TRIOBP: variants seen among roughly 807,000 people sequenced by gnomAD.
The protein encoded by TRIOBP is TRIO and F-actin-binding protein.
A neutral mutation model predicts 238.8 loss-of-function variants in TRIOBP; 169 were observed. The ratio of observed to expected loss-of-function variants is 0.71; its 90% CI spans 0.62 to 0.80. The LOEUF is 0.80. TRIOBP is among the 30% of genes least tolerant of loss of function. The pLI is 0.00. For synonymous variants in TRIOBP, 1,150 were observed against 1,274.4 expected, an observed-to-expected ratio of 0.90 and a Z score of 2.08; for missense variants, 2,838 against 3,122.6, an observed-to-expected ratio of 0.91 and a Z score of 2.17.
At chr22:37,771,860 T>G in intron 22 of TRIOBP, 124 bp downstream of exon 22, 1 of 856,044 alleles carries the variant, frequency 1.2e-6, no homozygotes, top group Non-Finnish European at 1.9e-6. Context: ...TCTCCTGTGC[T>G]TCTCCCATGT....
At chr22:37,773,440 G>A (rs766667387) in intron 23 of TRIOBP, among the ~76,000 whole-genome samples, 13 of 152,118 alleles carry the variant, frequency 8.5e-5, no homozygotes, top group Non-Finnish European at 1.3e-4. Flanking sequence ...GGCTGGTCTC[G>A]AACTCCTGGG....
Position 37,734,439 on chromosome 22 carries a change from G to A in TRIOBP, c.4103G>A (p.Arg1368Gln), listed in dbSNP as rs182816010. The A allele has an allele frequency of 9.4e-5, 151 of 1,613,264 alleles. No homozygotes were observed. The African/African-American group carries it at 1.2e-3, about 13-fold the overall frequency. Residue 1368 changes from arginine (R) to glutamine (Q), a missense_variant, in exon 9 of 24, where the codon CGG (arginine) becomes CAG (glutamine). By Grantham distance (43) the Arg-to-Gln change is conservative. Transcript: ENST00000644935. ...LPAKQAELTR[R>Q]SQAEPPHPWS... ...GCCAAACAGGCAGAACTGACCCGGC[G>A]GAGCCAAGCAGAGCCCCCTCATCCT...
intron 23 of TRIOBP, 86 bp downstream of exon 23, chr22:37,772,850 C>T (rs1196398587): frequency 6.6e-7 from 1 of 1,512,404 alleles, no homozygotes; most frequent in Non-Finnish European, 9.0e-7. Flanking sequence ...CCCAGCCAGG[C>T]CACTTCCTTC....
Position 37,734,995 on chromosome 22 carries a change from G to A in TRIOBP, c.4659G>A (p.Arg1553=), listed in dbSNP as rs1465250831. ...GTCCATACCCGCGTGGCTCTGAGAG[G>A]CGACCCGAGCTTGACTGGAGGGATC... ...GACPYPRGSE[R]RPELDWRDLL... The change falls in exon 9 of 24, where the codon AGG becomes AGA. Residue 1553 remains arginine (R), a synonymous_variant. Transcript: ENST00000644935. The A allele has an allele frequency of 1.2e-6, 2 of 1,613,204 alleles. No homozygotes were observed. Among genetic ancestry groups the A allele is most frequent in the Non-Finnish European group, 1.7e-6 (2 of 1,179,860 alleles).
intron 6 of TRIOBP, among the ~76,000 whole-genome samples, chr22:37,717,243 G>A (rs1923568956): frequency 6.6e-6 from 1 of 152,198 alleles, no homozygotes; most frequent in African/African-American, 2.4e-5. Flanking sequence ...GGCTTCAGGA[G>A]TGAAGCTGCA....
chr22:37,712,363 G>T (rs548238571), intron 4 of TRIOBP, among the ~76,000 whole-genome samples: 9 of 151,776 alleles, frequency 5.9e-5, no homozygotes, highest in Middle Eastern at 6.8e-3. Flanking sequence ...ATAGAGTCTC[G>T]TGCTGTCACC....
chr22:37,751,181 C>T (rs963573118), intron 11 of TRIOBP: 1 of 399,692 alleles, frequency 2.5e-6, no homozygotes, highest in South Asian at 1.9e-5. Context: ...GGCTGTGCCC[C>T]CCTGGGCGGC....
rs771454615 is a variant in TRIOBP, at chr22:37,725,692, G to T, written c.3136G>T (p.Ala1046Ser). 1.6e-5 allele frequency: 26 copies of T among 1,602,510 alleles called. No homozygotes were observed. Among genetic ancestry groups the T allele is most frequent in the Non-Finnish European group, 2.1e-5 (25 of 1,175,572 alleles). Residue 1046 changes from alanine to serine, a missense_variant, in exon 7 of 24, where the codon GCC becomes TCC. Around this residue, in one of 5 missense-constraint regions of TRIOBP, gnomAD observed 2,096 missense variants for 2,137.4 expected, o/e 0.98. Coordinates refer to ENST00000644935, the MANE Select transcript of TRIOBP (RefSeq NM_001039141.3). ...CTTCCCCTTCTTCCCAGAGCCCCGCGCCCCTGAGAGTGAACCGCCCCACCA... is the reference window on the plus strand; with the variant it reads ...CTTCCCCTTCTTCCCAGAGCCCCGCTCCCCTGAGAGTGAACCGCCCCACCA... ...DPFPFFPEPRAPESEPPHHEP... is the reference protein window; with the variant it reads ...DPFPFFPEPRSPESEPPHHEP...
chr22:37,761,115 G>A (rs112557072), intron 17 of TRIOBP, among the ~76,000 whole-genome samples: 33 of 152,264 alleles, frequency 2.2e-4, no homozygotes, highest in African/African-American at 7.9e-4. Context: ...AGGAAGGCTG[G>A]TTGGTGCGTA....
rs748961046 is a variant in TRIOBP at position 37,765,656 on chromosome 22, C to T, written c.6325-14C>T. 38 of 1,548,988 alleles carry T rather than the reference C, an allele frequency of 2.5e-5. No individual in the cohort carries two copies. The highest frequency in any genetic ancestry group is 2.1e-4 in the Middle Eastern group (1 of 4,694). On this transcript the variant is annotated splice_polypyrimidine_tract_variant and intron_variant, in intron 17 of 23. Transcript: ENST00000644935. ...AACGGGGCAGCCTGTGACACCCTGG[C>T]GTCCGGCCCACAGGAGGCATGTGAG... is the stretch of plus-strand genomic sequence containing the variant.
chr22:37,738,691 C>A lies in TRIOBP; in HGVS notation c.5156C>A (p.Pro1719His), dbSNP rs1924799223. The change falls in exon 10 of 24, where the codon CCC (proline) becomes CAC (histidine). Residue 1719 changes from proline to histidine, a missense_variant. Physicochemically the swap from Pro to His is moderately conservative, Grantham distance 77 (BLOSUM62 -2). Transcript: ENST00000644935. ...TCAGAACCAAGCAGAGGCCAAGACC[C>A]CCTGACTGACCAGAAGCAGGCAGAC... ...EESEPSRGQD[P>H]LTDQKQADSA... 6.2e-7 allele frequency: 1 copy of A among 1,613,786 alleles called. No individual in the cohort carries two copies. The highest frequency in any genetic ancestry group is 1.1e-5 in the South Asian group (1 of 91,072).
chr22:37,746,549 G>A (rs990794211), intron 11 of TRIOBP: 44 of 850,002 alleles, frequency 5.2e-5, no homozygotes, highest in Non-Finnish European at 6.0e-5. Flanking sequence ...GGCTGGGCCG[G>A]AAGACGGGGC....
At chr22:37,727,166 C>G (rs1444093110) in intron 7 of TRIOBP, among the ~76,000 whole-genome samples, 1 of 151,158 alleles carries the variant, frequency 6.6e-6, no homozygotes, top group Non-Finnish European at 1.5e-5. Context: ...GCCTCGGCCT[C>G]GCAAAGTGCT....
At chr22:37,756,840 T>C (rs1174274842) in intron 15 of TRIOBP, among the ~76,000 whole-genome samples, 1 of 152,242 alleles carries the variant, frequency 6.6e-6, no homozygotes, top group Non-Finnish European at 1.5e-5. Context: ...CTGCAACTTG[T>C]GTTCTGTGCA....
At chr22:37,709,454 C>CG (rs1923120694) in intron 3 of TRIOBP, among the ~76,000 whole-genome samples, 1 of 152,240 alleles carries the variant, frequency 6.6e-6, no homozygotes, top group African/African-American at 2.4e-5. Context: ...TCCACTGCCT[C>CG]GGCGGCTGCT....
chr22:37,733,967 A>C (rs1924543129), intron 8 of TRIOBP, among the ~76,000 whole-genome samples: 1 of 152,226 alleles, frequency 6.6e-6, no homozygotes, highest in Non-Finnish European at 1.5e-5. Flanking sequence ...GCACCTGGCC[A>C]ATACTGCTGT....
intron 2 of TRIOBP, 124 bp from the exon 3 acceptor site, chr22:37,701,182 C>T: frequency 1.7e-6 from 1 of 589,684 alleles, no homozygotes; most frequent in Admixed American, 2.5e-5. Context: ...AACAGGAACC[C>T]AAAGGAATGG....
Position 37,738,694 on chromosome 22 carries a change from T to C in TRIOBP, c.5159T>C (p.Leu1720Pro), listed in dbSNP as rs1180555349. ...ESEPSRGQDP[L>P]TDQKQADSAD... ...GAACCAAGCAGAGGCCAAGACCCCC[T>C]GACTGACCAGAAGCAGGCAGACTCG... Residue 1720 changes from leucine to proline, a missense_variant, in exon 10 of 24, where the codon CTG becomes CCG. Physicochemically the swap from Leu to Pro is moderately conservative, Grantham distance 98 (BLOSUM62 -3). Coordinates refer to ENST00000644935, the MANE Select transcript of TRIOBP (RefSeq NM_001039141.3). The C allele has an allele frequency of 1.9e-6, 3 of 1,613,914 alleles. No homozygotes were observed. Among genetic ancestry groups the C allele is most frequent in the South Asian group, 1.1e-5 (1 of 91,070 alleles).
Position 37,758,147 on chromosome 22 carries a change from C to T in TRIOBP, c.6213+9C>T. ...AGGCACTGGAGAAGGAGGTAGGCACCACGGCTGGCTCTCTAGGAGGCCCCT... is the reference window on the plus strand; with the variant it reads ...AGGCACTGGAGAAGGAGGTAGGCACTACGGCTGGCTCTCTAGGAGGCCCCT... On this transcript the variant is annotated intron_variant, in intron 16 of 23. Coordinates refer to ENST00000644935, the MANE Select transcript of TRIOBP (RefSeq NM_001039141.3). 1 of 1,610,672 alleles carries T rather than the reference C, an allele frequency of 6.2e-7. No individual in the cohort carries two copies. Among genetic ancestry groups the T allele is most frequent in the South Asian group, 1.1e-5 (1 of 90,984 alleles).
Sources: allele counts gnomAD v4.1 joint callset (sites outside exome capture counted in the v4.1 genomes callset), GRCh38; gene constraint gnomAD v4.1.1; regional missense constraint gnomAD v4.1.1; transcripts MANE v1.5; gene names NCBI Gene and HGNC (gene_info 2026-07-23, HGNC 2026-07-21).